GAD2: variants seen among roughly 807,000 people sequenced by gnomAD.
The protein encoded by GAD2 is glutamate decarboxylase 2.
A neutral mutation model predicts 80.1 loss-of-function variants in GAD2; 22 were observed. The observed-to-expected ratio is 0.27, with a 90% CI of 0.20 to 0.39. The LOEUF (loss-of-function observed/expected upper bound fraction) is 0.39, where lower values mean the gene tolerates loss of function less well. Among genes scored for constraint, GAD2 ranks in the 10% least tolerant of loss-of-function variants. GAD2 has a pLI of 1.00. For synonymous variants in GAD2, 274 were observed against 256.9 expected, an observed-to-expected ratio of 1.07 and a Z score of -0.64; for missense variants, 624 against 738.4, an observed-to-expected ratio of 0.85 and a Z score of 1.80.
chr10:26,289,248 G>A (rs928040588), intron 13 of GAD2, among the ~76,000 whole-genome samples: 2 of 152,146 alleles, frequency 1.3e-5, no homozygotes, highest in East Asian at 1.9e-4. Context: ...GAAAGAGTTG[G>A]CTATGATGTT....
chr10:26,280,770 C>T (rs1016202425), intron 11 of GAD2, among the ~76,000 whole-genome samples: 2 of 152,102 alleles, frequency 1.3e-5, no homozygotes, highest in African/African-American at 4.8e-5. Context: ...GTACAGTGGT[C>T]ACTATTTGGG....
At chr10:26,279,503 G>C (rs1008917653) in intron 11 of GAD2, among the ~76,000 whole-genome samples, 1 of 152,196 alleles carries the variant, frequency 6.6e-6, no homozygotes, top group Admixed American at 6.5e-5. Context: ...TGGAATTTGG[G>C]CTGGAGGCAA....
chr10:26,216,746 C>T, upstream of GAD2: 10 of 1,487,016 alleles, frequency 6.7e-6, no homozygotes, highest in Non-Finnish European at 9.2e-6. The surrounding 1 kb of genome is among the most constrained non-coding windows in gnomAD (Gnocchi z 4.7). Flanking sequence ...CGCGCAGGGC[C>T]AAGCCCGAGG....
At chr10:26,241,046 A>C (rs1244993286) in intron 7 of GAD2, among the ~76,000 whole-genome samples, 1 of 152,196 alleles carries the variant, frequency 6.6e-6, no homozygotes, top group Non-Finnish European at 1.5e-5. Flanking sequence ...CGTCTCAAAA[A>C]AGAAAAAAAA....
chr10:26,236,303 T>C (rs1589139973), intron 7 of GAD2, among the ~76,000 whole-genome samples: 1 of 78,752 alleles, frequency 1.3e-5, no homozygotes, highest in African/African-American at 8.0e-5. Flanking sequence ...TTCTTTTTTC[T>C]TTTTTTTTTT....
At chr10:26,291,173 C>T (rs960163324) in intron 13 of GAD2, among the ~76,000 whole-genome samples, 1 of 152,318 alleles carries the variant, frequency 6.6e-6, no homozygotes, top group Admixed American at 6.5e-5. Flanking sequence ...AGTTTAAACC[C>T]AACTCCAGAC....
At chr10:26,280,312 C>A (rs1032694968) in intron 11 of GAD2, among the ~76,000 whole-genome samples, 1 of 152,200 alleles carries the variant, frequency 6.6e-6, no homozygotes, top group African/African-American at 2.4e-5. Context: ...CGTGACACAG[C>A]CTCAGGTGGT....
chr10:26,244,128 C>A (rs1323264756), intron 7 of GAD2, among the ~76,000 whole-genome samples: 3 of 152,184 alleles, frequency 2.0e-5, no homozygotes, highest in Non-Finnish European at 4.4e-5. Context: ...ATGCTAAGCA[C>A]AAGATGTTCA....
chr10:26,226,419 G>A (rs956053859), intron 6 of GAD2, among the ~76,000 whole-genome samples: 1 of 152,168 alleles, frequency 6.6e-6, no homozygotes, highest in East Asian at 1.9e-4. Flanking sequence ...TTGCTCTTAC[G>A]CCAAGATGCA....
rs1845027828 is a variant in GAD2, at chr10:26,263,081, T to C, written c.921-6038T>C. 3.9e-5 allele frequency among the ~76,000 whole-genome samples: 6 copies of C among 152,324 alleles called. No homozygotes were observed. The South Asian group carries it at 1.2e-3, about 32-fold the overall frequency. Reference sequence around the variant, plus strand: ...CAGTTGCACATCACTTGCATTGTTGTATAGTCATAGTATGTGTGCTAAGTA... The same window carrying C: ...CAGTTGCACATCACTTGCATTGTTGCATAGTCATAGTATGTGTGCTAAGTA... On this transcript the variant is annotated intron_variant, in intron 8 of 15. Transcript: ENST00000376261.
Position 26,224,125 on chromosome 10 carries a change from G to A in GAD2, c.611+148G>A, listed in dbSNP as rs1056177691. ...CTGAAGTGTGAGTGTTCACTTTAAT[G>A]TAACAGAAAGTAGTCCTGATACATC... On this transcript the variant is annotated intron_variant, in intron 5 of 15. Coordinates refer to ENST00000376261, the MANE Select transcript of GAD2 (RefSeq NM_001134366.2). The A allele has an allele frequency of 6.8e-6, 4 of 587,912 alleles. No individual in the cohort carries two copies. The African/African-American group carries it at 7.5e-5, about 11-fold the overall frequency. 36.4% of individuals were successfully genotyped at this position (587,912 alleles called of 1,614,324 possible). A position where few individuals can be genotyped will look rare whatever the true frequency, so the allele number is the denominator to read the frequency against.
intron 15 of GAD2, among the ~76,000 whole-genome samples, chr10:26,294,884 A>G (rs1241636842): frequency 6.6e-6 from 1 of 152,214 alleles, no homozygotes; most frequent in African/African-American, 2.4e-5. Flanking sequence ...GTATACCTTC[A>G]TAATGTAAAA....
intron 11 of GAD2, 47 bp downstream of exon 11, chr10:26,273,747 CTG>C: frequency 6.7e-7 from 1 of 1,487,304 alleles, no homozygotes; most frequent in Non-Finnish European, 9.3e-7. Context: ...TAAAAGCTAA[CTG>C]TGAAACACAA....
At chr10:26,222,367 T>C (rs1251236092) in intron 4 of GAD2, among the ~76,000 whole-genome samples, 1 of 151,856 alleles carries the variant, frequency 6.6e-6, no homozygotes, top group Non-Finnish European at 1.5e-5. Context: ...AAAATGAATA[T>C]GAATTATAAT....
chr10:26,222,898 C>A (rs879465955), intron 4 of GAD2, among the ~76,000 whole-genome samples: 35 of 152,200 alleles, frequency 2.3e-4, no homozygotes, highest in Admixed American at 1.2e-3. Flanking sequence ...GTGGAAGATA[C>A]CTTTTTATCA....
intron 7 of GAD2, among the ~76,000 whole-genome samples, chr10:26,241,051 A>G (rs963957836): frequency 5.9e-5 from 9 of 152,180 alleles, no homozygotes; most frequent in African/African-American, 2.2e-4. Context: ...CAAAAAAGAA[A>G]AAAAAAAGAG....
Position 26,217,641 on chromosome 10 carries a change from C to G in GAD2, c.108C>G (p.Phe36Leu), listed in dbSNP as rs775807612. 6 of 1,613,602 alleles carry G rather than the reference C, an allele frequency of 3.7e-6. No individual in the cohort carries two copies. Among genetic ancestry groups the G allele is most frequent in the Non-Finnish European group, 5.1e-6 (6 of 1,179,862 alleles). ...ARAWCQVAQK[F>L]TGGIGNKLCA... is the part of the protein sequence containing the mutation. ...CCTGGTGCCAAGTGGCTCAGAAGTT[C>G]ACGGGCGGCATCGGAAACAAACTGT... Residue 36 changes from phenylalanine to leucine, a missense_variant, in exon 2 of 16, where the codon TTC (phenylalanine) becomes TTG (leucine). Physicochemically the swap from Phe to Leu is conservative, Grantham distance 22. Coordinates refer to ENST00000376261, the MANE Select transcript of GAD2 (RefSeq NM_001134366.2). The surrounding 1 kb of genome is among the most constrained non-coding windows in gnomAD (Gnocchi z 4.9).
chr10:26,230,171 GA>G (rs1006282521), intron 7 of GAD2, among the ~76,000 whole-genome samples: 10 of 144,782 alleles, frequency 6.9e-5, no homozygotes, highest in Admixed American at 2.1e-4. Flanking sequence ...CTGTCTAAAA[GA>G]AAAAAAAAAG....
intron 8 of GAD2, among the ~76,000 whole-genome samples, chr10:26,249,308 C>T (rs574364675): frequency 2.0e-4 from 31 of 152,308 alleles, no homozygotes; most frequent in Non-Finnish European, 3.5e-4. Context: ...ATGATCCGTC[C>T]GCCTCGGCCT....
Sources: allele counts gnomAD v4.1 joint callset (sites outside exome capture counted in the v4.1 genomes callset), GRCh38; gene constraint gnomAD v4.1.1; non-coding constraint Gnocchi (gnomAD v3.1); transcripts MANE v1.5; gene names NCBI Gene and HGNC (gene_info 2026-07-23, HGNC 2026-07-21).